PLXNA4: variants seen among roughly 807,000 people sequenced by gnomAD.
The protein encoded by PLXNA4 is plexin A4, also known as plexin-A4.
Under a neutral mutation model 191.8 loss-of-function variants are expected in PLXNA4, and 44 were observed. That is an observed-to-expected ratio of 0.23 (90% CI 0.18 to 0.29). The LOEUF (loss-of-function observed/expected upper bound fraction) is 0.29. Among genes scored for constraint, PLXNA4 ranks in the 10% least tolerant of loss-of-function variants. PLXNA4 has a pLI of 1.00. For missense variants in PLXNA4, 1,800 were observed against 2,488.8 expected, an observed-to-expected ratio of 0.72 and a Z score of 5.89; for synonymous variants, 1,082 against 1,009.5, an observed-to-expected ratio of 1.07 and a Z score of -1.36.
intron 1 of PLXNA4, among the ~76,000 whole-genome samples, chr7:132,571,464 T>C (rs1801976362): frequency 6.6e-6 from 1 of 152,202 alleles, no homozygotes. Context: ...CCCTAGGCAC[T>C]GATTTCTTCC....
chr7:132,644,468 G>A (rs1322631385), intron 2 of PLXNA4, among the ~76,000 whole-genome samples: 2 of 152,162 alleles, frequency 1.3e-5, no homozygotes, highest in Non-Finnish European at 2.9e-5. Context: ...GGCAGCTTCT[G>A]CCCAGTGTCC....
intron 31 of PLXNA4, among the ~76,000 whole-genome samples, chr7:132,132,236 C>T (rs2116496008): frequency 1.3e-5 from 2 of 152,346 alleles, no homozygotes; most frequent in Middle Eastern, 6.8e-3. Flanking sequence ...GGGCCTCTCT[C>T]TCCCAGCTGC....
At chr7:132,546,277 A>C (rs544306345) in intron 1 of PLXNA4, among the ~76,000 whole-genome samples, 1 of 152,316 alleles carries the variant, frequency 6.6e-6, no homozygotes, top group East Asian at 1.9e-4. Flanking sequence ...GACCACAAAA[A>C]ATGCAGCATC....
At chr7:132,273,530 A>T (rs2116342856) in intron 4 of PLXNA4, among the ~76,000 whole-genome samples, 1 of 152,284 alleles carries the variant, frequency 6.6e-6, no homozygotes, top group East Asian at 1.9e-4. Flanking sequence ...GAACAGCAAG[A>T]TCCTCACTTA....
At chr7:132,429,571 T>G (rs1180771357) in intron 3 of PLXNA4, among the ~76,000 whole-genome samples, 2 of 152,226 alleles carry the variant, frequency 1.3e-5, no homozygotes, top group Non-Finnish European at 2.9e-5. Flanking sequence ...TATTTTCACA[T>G]GCCATGATAT....
At chr7:132,626,424 T>C (rs1426552577) in intron 2 of PLXNA4, among the ~76,000 whole-genome samples, 1 of 152,202 alleles carries the variant, frequency 6.6e-6, no homozygotes, top group Non-Finnish European at 1.5e-5. Flanking sequence ...ATCCCCAGTA[T>C]TGGAGGTTGG....
intron 2 of PLXNA4, among the ~76,000 whole-genome samples, chr7:132,613,982 A>G (rs2116857613): frequency 6.6e-6 from 1 of 152,252 alleles, no homozygotes; most frequent in African/African-American, 2.4e-5. Context: ...TAGGTGGAAG[A>G]TGGGGAGACC....
intron 3 of PLXNA4, among the ~76,000 whole-genome samples, chr7:132,325,714 T>A (rs1802331156): frequency 6.6e-6 from 1 of 152,132 alleles, no homozygotes; most frequent in African/African-American, 2.4e-5. Context: ...AATTTCAGAC[T>A]TCTAGCCTCC....
At chr7:132,588,380 T>A (rs1476551935) in intron 2 of PLXNA4, among the ~76,000 whole-genome samples, 3 of 152,150 alleles carry the variant, frequency 2.0e-5, no homozygotes, top group Non-Finnish European at 4.4e-5. Flanking sequence ...TGTGCTGACT[T>A]CTTCTGCAGG....
intron 3 of PLXNA4, among the ~76,000 whole-genome samples, chr7:132,310,074 G>T (rs1047547626): frequency 2.3e-4 from 35 of 151,956 alleles, no homozygotes; most frequent in African/African-American, 7.5e-4. Context: ...TAAGCCTGGG[G>T]CTGTGCAGGC....
chr7:132,215,725 C>T (rs1275360004), intron 9 of PLXNA4, among the ~76,000 whole-genome samples: 2 of 152,166 alleles, frequency 1.3e-5, no homozygotes, highest in Admixed American at 6.5e-5. Context: ...GTAAATCAGC[C>T]TCCATCAACA....
chr7:132,432,920 G>A (rs1276322428), intron 3 of PLXNA4, among the ~76,000 whole-genome samples: 1 of 152,104 alleles, frequency 6.6e-6, no homozygotes, highest in African/African-American at 2.4e-5. Flanking sequence ...CTGCAAACAA[G>A]TACAGTACAT....
chr7:132,438,128 G>A (rs774083210), intron 3 of PLXNA4, among the ~76,000 whole-genome samples: 18 of 152,224 alleles, frequency 1.2e-4, no homozygotes, highest in Non-Finnish European at 2.4e-4. Context: ...GTATAAGCAT[G>A]TGTGTGGGTT....
intron 3 of PLXNA4, among the ~76,000 whole-genome samples, chr7:132,371,859 A>C (rs1365797558): frequency 6.6e-6 from 1 of 152,198 alleles, no homozygotes; most frequent in African/African-American, 2.4e-5. Context: ...GAGTGCTTTA[A>C]TCCATGAAAA....
intron 3 of PLXNA4, chr7:132,484,940 T>G (rs751213279): frequency 6.2e-6 from 10 of 1,614,164 alleles, no homozygotes; most frequent in Non-Finnish European, 8.5e-6. Context: ...AGAAGCAATG[T>G]TCGCCCCAGG....
chr7:132,355,461 C>T (rs1803659989), intron 3 of PLXNA4, among the ~76,000 whole-genome samples: 1 of 152,124 alleles, frequency 6.6e-6, no homozygotes, highest in African/African-American at 2.4e-5. Context: ...GGGGTGAGCC[C>T]CACTGGCTGT....
At chr7:132,562,025 C>CT in intron 1 of PLXNA4, among the ~76,000 whole-genome samples, 1 of 98,616 alleles carries the variant, frequency 1.0e-5, no homozygotes, top group Non-Finnish European at 2.5e-5. Flanking sequence ...CCTCCTCCTC[C>CT]TCCTTCTCCT....
intron 3 of PLXNA4, among the ~76,000 whole-genome samples, chr7:132,465,184 A>AC (rs35569780): frequency 0.067 from 10,113 of 151,306 alleles, 454 homozygotes; most frequent in East Asian, 0.15. Context: ...TTCAGTCTAG[A>AC]CCCCCCCACC....
intron 3 of PLXNA4, among the ~76,000 whole-genome samples, chr7:132,445,912 A>G (rs947569929): frequency 6.6e-6 from 1 of 152,164 alleles, no homozygotes; most frequent in African/African-American, 2.4e-5. Flanking sequence ...TGAAGGTCAA[A>G]GTTAAAGAGC....
Sources: allele counts gnomAD v4.1 joint callset (sites outside exome capture counted in the v4.1 genomes callset), GRCh38; gene constraint gnomAD v4.1.1; transcripts MANE v1.5; gene names NCBI Gene and HGNC (gene_info 2026-07-23, HGNC 2026-07-21).